Variants in SNX25 observed in about 807,000 individuals in gnomAD.
SNX25 encodes sorting nexin 25, also known as sorting nexin-25.
SNX25 carries 62 observed loss-of-function variants against 113.7 expected under a neutral mutation model. The ratio of observed to expected loss-of-function variants is 0.55; its 90% CI spans 0.44 to 0.67. The LOEUF is 0.67. Ranked by LOEUF, SNX25 falls within the 30% of genes least tolerant of loss-of-function variation. The pLI, the probability that SNX25 is intolerant of heterozygous loss-of-function variation, is 0.00. For synonymous variants in SNX25, 421 were observed against 436.2 expected, an observed-to-expected ratio of 0.97 and a Z score of 0.43; for missense variants, 1,014 against 1,161.0, an observed-to-expected ratio of 0.87 and a Z score of 1.84.
chr4:185,206,038 C>T (rs1372900508), upstream of SNX25, among the ~76,000 whole-genome samples: 2 of 152,140 alleles, frequency 1.3e-5, no homozygotes, highest in African/African-American at 4.8e-5. Context: ...GTGGAAAGAT[C>T]GAAACCCTTA....
rs1354631052 is a variant in SNX25 at position 185,258,831 on chromosome 4, T to C, written c.515-17T>C. 5.6e-6 allele frequency: 9 copies of C among 1,592,968 alleles called. No homozygotes were observed. Among genetic ancestry groups the C allele is most frequent in the Middle Eastern group, 1.7e-4 (1 of 6,016 alleles). ...TCTTTCATTTGTTTTACTCATTGCT[T>C]TGTTTATTCCTGGTAGTGTTCGACT... On this transcript the variant is annotated splice_polypyrimidine_tract_variant and intron_variant, in intron 2 of 18. Transcript: ENST00000652585.
chr4:185,223,230 A>T (rs142147640), intron 1 of SNX25, among the ~76,000 whole-genome samples: 63 of 152,346 alleles, frequency 4.1e-4, no homozygotes, highest in African/African-American at 1.4e-3. Flanking sequence ...TTTATCGCTC[A>T]AATGTGCATT....
rs547650342 is a variant in SNX25 at position 185,360,359 on chromosome 4, A to G, written c.2652-1565A>G. ...GTTTGACTCATAGCAGTGACCGACT[A>G]CTATGTGCAAAGTACTGGACTTGAA... On this transcript the variant is annotated intron_variant, in intron 16 of 18. Transcript: ENST00000652585. Among the ~76,000 whole-genome samples, 4 of 152,362 alleles carry G rather than the reference A, an allele frequency of 2.6e-5. No homozygotes were observed. In the South Asian group the frequency reaches 8.3e-4, roughly 32 times the overall value.
At chr4:185,371,333 A>G (rs1450902494), downstream of SNX25, among the ~76,000 whole-genome samples, 1 of 151,966 alleles carries the variant, frequency 6.6e-6, no homozygotes, top group Non-Finnish European at 1.5e-5. Flanking sequence ...AGGTTAGGAG[A>G]TTGAGACCAT....
the SNX25 span, chr4:185,378,388 C>A: frequency 1.4e-6 from 2 of 1,384,538 alleles, no homozygotes; most frequent in East Asian, 5.4e-5. Context: ...GACCCTCCTC[C>A]CTAGCTGAGA....
At chr4:185,331,283 G>T (rs1374012615) in intron 9 of SNX25, among the ~76,000 whole-genome samples, 4 of 152,166 alleles carry the variant, frequency 2.6e-5, no homozygotes, top group Non-Finnish European at 5.9e-5. Context: ...GCATCATTAG[G>T]AATGCGCCTC....
chr4:185,310,903 G>T, intron 7 of SNX25, 87 bp downstream of exon 7: 1 of 1,283,728 alleles, frequency 7.8e-7, no homozygotes, highest in Non-Finnish European at 1.1e-6. Flanking sequence ...CAACTTTTTA[G>T]TATTGAACTT....
chr4:185,213,482 T>C (rs1014885157), intron 1 of SNX25, among the ~76,000 whole-genome samples: 5 of 152,202 alleles, frequency 3.3e-5, no homozygotes, highest in Non-Finnish European at 7.3e-5. Context: ...TAGAAAAACT[T>C]GGACTCTTGT....
rs763912955 is a variant in SNX25 at position 185,310,690 on chromosome 4, G to C, written c.1218G>C (p.Arg406Ser). The change falls in exon 7 of 19, where the codon AGG (arginine) becomes AGC (serine). Residue 406 changes from arginine (R) to serine (S), a missense_variant. Coordinates refer to ENST00000652585, the MANE Select transcript of SNX25 (RefSeq NM_001378034.2). ...TCCTGAGGGCCAGGAACATGAAGAG[G>C]TACATCAACCAACTGACTGTGGCAA... Reference protein sequence around the residue: ...ADLLRARNMKRYINQLTVAKK... With the variant: ...ADLLRARNMKSYINQLTVAKK... 1 of 1,614,058 alleles carries C rather than the reference G, an allele frequency of 6.2e-7. No individual in the cohort carries two copies.
intron 7 of SNX25, among the ~76,000 whole-genome samples, chr4:185,318,097 G>C (rs2095090083): frequency 6.6e-6 from 1 of 152,086 alleles, no homozygotes; most frequent in South Asian, 2.1e-4. Flanking sequence ...GATTAAGCAG[G>C]GGCTCATTGT....
chr4:185,263,703 A>G (rs958718668), intron 3 of SNX25, among the ~76,000 whole-genome samples: 1 of 152,152 alleles, frequency 6.6e-6, no homozygotes, highest in Non-Finnish European at 1.5e-5. Flanking sequence ...GTTAGCTACT[A>G]GTTACTGTAA....
At chr4:185,236,063 C>T (rs963946602) in intron 1 of SNX25, among the ~76,000 whole-genome samples, 2 of 152,178 alleles carry the variant, frequency 1.3e-5, no homozygotes, top group African/African-American at 2.4e-5. Flanking sequence ...GATCTAAGGT[C>T]GGTTTCCGGG....
the SNX25 span, chr4:185,377,101 C>T: frequency 3.7e-5 from 36 of 983,694 alleles, no homozygotes; most frequent in Non-Finnish European, 5.1e-5. Flanking sequence ...TAAAATCCAT[C>T]TAACACTGTT....
intron 5 of SNX25, among the ~76,000 whole-genome samples, chr4:185,286,222 C>T (rs1034961008): frequency 6.6e-6 from 1 of 152,100 alleles, no homozygotes; most frequent in African/African-American, 2.4e-5. Flanking sequence ...TTCAATTGAT[C>T]CTTCTGCCTC....
intron 13 of SNX25, 75 bp downstream of exon 13, chr4:185,346,725 C>A: frequency 1.0e-6 from 1 of 952,840 alleles, no homozygotes; most frequent in East Asian, 2.8e-5. Context: ...ATTCTACGAG[C>A]TTGGTAGTTT....
In SNX25 at chr4:185,232,670, C is replaced by T. The variant is rs926007167; in HGVS notation, c.430-14624C>T. Among the ~76,000 whole-genome samples, 4 of 152,178 alleles carry T rather than the reference C, an allele frequency of 2.6e-5. No individual in the cohort carries two copies. Among genetic ancestry groups the T allele is most frequent in the Non-Finnish European group, 4.4e-5 (3 of 68,042 alleles). On this transcript the variant is annotated intron_variant, in intron 1 of 18. Coordinates refer to ENST00000652585, the MANE Select transcript of SNX25 (RefSeq NM_001378034.2). The surrounding 1 kb of genome is among the most constrained non-coding windows in gnomAD (Gnocchi z 4.4). ...GATCTCTGTGAAAAAAGCAATTCAA[C>T]GTGACTCATCCAGTTGTTGAGTTAC...
intron 14 of SNX25, among the ~76,000 whole-genome samples, chr4:185,351,967 C>T (rs927796869): frequency 4.6e-5 from 7 of 151,934 alleles, no homozygotes; most frequent in Non-Finnish European, 7.4e-5. Context: ...TGGAACAGGC[C>T]GGAGGTCGTT....
intron 1 of SNX25, among the ~76,000 whole-genome samples, chr4:185,233,324 G>T (rs1409426638): frequency 6.6e-6 from 1 of 151,770 alleles, no homozygotes; most frequent in African/African-American, 2.4e-5. Flanking sequence ...TGAGTACAGA[G>T]AACATAATTT....
At chr4:185,218,077 A>G (rs1739170194) in intron 1 of SNX25, among the ~76,000 whole-genome samples, 1 of 152,044 alleles carries the variant, frequency 6.6e-6, no homozygotes, top group African/African-American at 2.4e-5. Flanking sequence ...GCTTTAGTCT[A>G]GGAGTGTGTG....
Sources: gnomAD v4.1 joint callset for allele counts (sites outside exome capture counted in the v4.1 genomes callset) on GRCh38, gnomAD v4.1.1 for gene constraint, Gnocchi (gnomAD v3.1) non-coding constraint, MANE v1.5 for transcripts, NCBI Gene and HGNC (gene_info 2026-07-23, HGNC 2026-07-21) for gene names.